Variants in DSE observed in about 807,000 individuals in gnomAD.
DSE encodes dermatan sulfate epimerase.
In DSE, 36 loss-of-function variants were observed where a neutral mutation model predicts 84.4. That is an observed-to-expected ratio of 0.43 (90% CI 0.33 to 0.56). The LOEUF (loss-of-function observed/expected upper bound fraction) is 0.56. Ranked by LOEUF, DSE falls within the 20% of genes least tolerant of loss-of-function variation. DSE has a pLI of 0.06. For missense variants in DSE, 862 were observed against 1,169.6 expected (o/e 0.74, Z 3.84); for synonymous variants, 410 against 430.1 (o/e 0.95, Z 0.58).
intron 5 of DSE, 129 bp downstream of exon 5, chr6:116,433,679 A>C: frequency 1.1e-6 from 1 of 926,120 alleles, no homozygotes; most frequent in Admixed American, 2.9e-5. Context: ...ATGCCACCTG[A>C]GTATATGAAG....
chr6:116,394,010 A>C (rs1781078779), intron 1 of DSE, among the ~76,000 whole-genome samples: 1 of 152,226 alleles, frequency 6.6e-6, no homozygotes, highest in Admixed American at 6.5e-5. Context: ...TGGCAAAAAA[A>C]TGGAACTTTT....
chr6:116,423,822 A>G (rs969264433), intron 2 of DSE, among the ~76,000 whole-genome samples: 4 of 152,206 alleles, frequency 2.6e-5, no homozygotes, highest in African/African-American at 9.7e-5. Context: ...AAATACAGCT[A>G]TTACAGGTCA....
intron 2 of DSE, among the ~76,000 whole-genome samples, chr6:116,332,349 A>C (rs1164231149): frequency 6.6e-6 from 1 of 151,064 alleles, no homozygotes; most frequent in Non-Finnish European, 1.5e-5. Context: ...GATCCAAAGA[A>C]ATTCAAATCA....
chr6:116,301,197 G>T (rs1446647796), intron 2 of DSE, among the ~76,000 whole-genome samples: 1 of 152,084 alleles, frequency 6.6e-6, no homozygotes, highest in East Asian at 1.9e-4. Context: ...GAGATCCAGA[G>T]AGCACACAAA....
chr6:116,354,394 CAG>C (rs1778472610), intron 2 of DSE, among the ~76,000 whole-genome samples: 1 of 152,130 alleles, frequency 6.6e-6, no homozygotes, highest in Admixed American at 6.5e-5. Context: ...GTATAAGAAA[CAG>C]AGTCACCCCC....
intron 1 of DSE, among the ~76,000 whole-genome samples, chr6:116,398,748 A>G (rs533411990): frequency 4.6e-5 from 7 of 152,356 alleles, no homozygotes; most frequent in African/African-American, 1.7e-4. Flanking sequence ...GATAAGTTAC[A>G]GTGAAAGAGG....
chr6:116,362,780 G>A (rs576886095), intron 2 of DSE, among the ~76,000 whole-genome samples: 5 of 152,216 alleles, frequency 3.3e-5, no homozygotes, highest in East Asian at 3.9e-4. Flanking sequence ...CAGAAATTTC[G>A]CTTTAATTTG....
In DSE at chr6:116,439,600, A is replaced by G. The variant is rs1784364104; in HGVS notation, c.*2255A>G. 6.6e-6 allele frequency: 1 copy of G among 152,102 alleles called. No individual in the cohort carries two copies. The highest frequency in any genetic ancestry group is 2.1e-4 in the South Asian group (1 of 4,826). The allele number at this position is 152,102 out of a possible 1,614,324, so 9.4% of individuals were successfully genotyped here. A position where few individuals can be genotyped will look rare whatever the true frequency, so the allele number is the denominator to read the frequency against. On this transcript the variant is annotated 3_prime_UTR_variant, in exon 6 of 6. Transcript: ENST00000644252. The stretch of plus-strand genomic sequence containing the variant: ...GGATAGTGCATATTTGAGTAAAACT[A>G]GGGAACTTTTTGTAACTTGAAAACA...
intron 2 of DSE, among the ~76,000 whole-genome samples, chr6:116,422,661 A>G (rs1783168729): frequency 6.6e-6 from 1 of 152,206 alleles, no homozygotes; most frequent in Non-Finnish European, 1.5e-5. Context: ...TTTAAATAAA[A>G]TTGGCTTTAA....
chr6:116,316,826 C>CTATTATTATTATTATTAT (rs5879374), intron 2 of DSE, among the ~76,000 whole-genome samples: 2,086 of 145,844 alleles, frequency 0.014, 44 homozygotes, highest in African/African-American at 0.043. Context: ...ACTACTACTA[C>CTATTATTATTATTATTAT]TATTATTATT....
chr6:116,374,296 C>T (rs1420126882), intron 1 of DSE, among the ~76,000 whole-genome samples: 1 of 152,180 alleles, frequency 6.6e-6, no homozygotes, highest in East Asian at 1.9e-4. Flanking sequence ...ACTGCCCCTT[C>T]CCCAAATAAA....
At chr6:116,259,052 TC>T in intron 2 of DSE, 1 of 1,552,632 alleles carries the variant, frequency 6.4e-7, no homozygotes. Context: ...GTGCTCCACT[TC>T]CCAAAGAGCT....
At chr6:116,434,892 A>C (rs1441992221) in intron 5 of DSE, among the ~76,000 whole-genome samples, 9 of 152,230 alleles carry the variant, frequency 5.9e-5, no homozygotes, top group Non-Finnish European at 8.8e-5. Flanking sequence ...GAAAATAAGA[A>C]GTCATTTATT....
chr6:116,291,806 C>T (rs1774295905), intron 2 of DSE, among the ~76,000 whole-genome samples: 1 of 151,996 alleles, frequency 6.6e-6, no homozygotes, highest in Non-Finnish European at 1.5e-5. Flanking sequence ...TAGTAACTGA[C>T]AACAGAATAT....
Position 116,404,310 on chromosome 6 carries a change from G to C in DSE, c.416+4644G>C, listed in dbSNP as rs1180712763. Reference sequence around the variant, plus strand: ...TTACCATATTTCACTTAATAATATGGGAAGATGAATGCATTTAAAAGAGGT... The same window carrying C: ...TTACCATATTTCACTTAATAATATGCGAAGATGAATGCATTTAAAAGAGGT... On this transcript the variant is annotated intron_variant, in intron 2 of 5. Transcript: ENST00000644252. Among the ~76,000 whole-genome samples, 3 of 152,334 alleles carry C rather than the reference G, an allele frequency of 2.0e-5. No individual in the cohort carries two copies. The East Asian group carries it at 5.8e-4, about 29-fold the overall frequency.
intron 2 of DSE, among the ~76,000 whole-genome samples, chr6:116,360,914 C>A (rs1337149553): frequency 6.6e-6 from 1 of 151,990 alleles, no homozygotes; most frequent in African/African-American, 2.4e-5. Context: ...GGTCAGAGTT[C>A]TGATGATTTG....
At chr6:116,303,909 G>A (rs1775186294) in intron 2 of DSE, among the ~76,000 whole-genome samples, 1 of 152,040 alleles carries the variant, frequency 6.6e-6, no homozygotes, top group Non-Finnish European at 1.5e-5. Flanking sequence ...GCCAAGGTGG[G>A]CAGATCACAA....
chr6:116,299,560 A>G (rs1488339417), intron 2 of DSE, among the ~76,000 whole-genome samples: 4 of 53,614 alleles, frequency 7.5e-5, no homozygotes, highest in Non-Finnish European at 1.4e-4. Flanking sequence ...ATACACATAC[A>G]CACACACACA....
chr6:116,417,047 T>C (rs1782760600), intron 2 of DSE, among the ~76,000 whole-genome samples: 1 of 152,220 alleles, frequency 6.6e-6, no homozygotes, highest in African/African-American at 2.4e-5. Context: ...TTTAAGAATT[T>C]GTCATTAGAA....
Sources: gnomAD v4.1 joint callset for allele counts (sites outside exome capture counted in the v4.1 genomes callset) on GRCh38, gnomAD v4.1.1 for gene constraint, MANE v1.5 for transcripts, NCBI Gene and HGNC (gene_info 2026-07-23, HGNC 2026-07-21) for gene names.